PDE10A: variants seen among roughly 807,000 people sequenced by gnomAD.
PDE10A encodes the protein phosphodiesterase 10A, also known as cAMP and cAMP-inhibited cGMP 3',5'-cyclic phosphodiesterase 10A.
In PDE10A, 39 loss-of-function variants were observed where a neutral mutation model predicts 97.7. The ratio of observed to expected loss-of-function variants is 0.40; its 90% CI spans 0.31 to 0.52. The LOEUF is 0.52. Among genes scored for constraint, PDE10A ranks in the 20% least tolerant of loss-of-function variants. The pLI is 0.56. For missense variants in PDE10A, 731 were observed against 1,047.8 expected, an observed-to-expected ratio of 0.70 and a Z score of 4.17; for synonymous variants, 371 against 376.8, an observed-to-expected ratio of 0.98 and a Z score of 0.18.
chr6:165,626,152 C>T lies in PDE10A; in HGVS notation c.865+35795G>A, dbSNP rs1482579471. 3.3e-5 allele frequency among the ~76,000 whole-genome samples: 5 copies of T among 152,152 alleles called. No homozygotes were observed. The East Asian group carries it at 9.6e-4, about 29-fold the overall frequency. On this transcript the variant is annotated intron_variant, in intron 1 of 21. Transcript: ENST00000539869. ...GGAAGGAGGGTGCAGCCAGCTTCAT[C>T]ACATGCTGCCAAGAGGAAATTCTTA...
chr6:165,663,246 G>A (rs917386057), upstream of PDE10A, among the ~76,000 whole-genome samples: 4 of 150,348 alleles, frequency 2.7e-5, no homozygotes, highest in Admixed American at 2.6e-4. Context: ...CCCACTGGCG[G>A]AGCAGGCGCT....
At chr6:165,844,573 T>C (rs1462887124) in intron 1 of PDE10A, among the ~76,000 whole-genome samples, 2 of 152,238 alleles carry the variant, frequency 1.3e-5, no homozygotes, top group African/African-American at 2.4e-5. Flanking sequence ...AATTCTAGAA[T>C]GTTAAGTTCT....
intron 2 of PDE10A, among the ~76,000 whole-genome samples, chr6:165,491,393 G>T (rs1484240608): frequency 1.3e-5 from 2 of 152,072 alleles, no homozygotes; most frequent in Non-Finnish European, 2.9e-5. Flanking sequence ...ACAACAAATG[G>T]ATTTAACAGA....
Position 165,448,928 on chromosome 6 carries a change from A to G in PDE10A, c.1194T>C (p.Asn398=), listed in dbSNP as rs1343645699. The part of the protein sequence containing the change: ...FALYFLGECN[N]SLCIFTPPGI... The stretch of plus-strand genomic sequence containing the variant: ...CCAAAATCTAAATTTAGATACTTAC[A>G]TTATTGCACTCTCCAAGGAAATACA... The change falls in exon 5 of 22, where the codon AAT becomes AAC. Residue 398 remains asparagine (N), a splice_region_variant and synonymous_variant. Coordinates refer to ENST00000539869, the MANE Select transcript of PDE10A (RefSeq NM_001385079.1). 4 of 1,600,896 alleles carry G rather than the reference A, an allele frequency of 2.5e-6. No individual in the cohort carries two copies. Among genetic ancestry groups the G allele is most frequent in the Admixed American group, 3.4e-5 (2 of 59,646 alleles).
At chr6:165,532,088 C>T (rs575255039) in intron 2 of PDE10A, among the ~76,000 whole-genome samples, 1 of 152,220 alleles carries the variant, frequency 6.6e-6, no homozygotes, top group Non-Finnish European at 1.5e-5. Context: ...ATTGAACTGT[C>T]ATGCTAGCCA....
At chr6:165,871,075 A>C (rs768509084) in intron 1 of PDE10A, among the ~76,000 whole-genome samples, 1 of 152,230 alleles carries the variant, frequency 6.6e-6, no homozygotes, top group Non-Finnish European at 1.5e-5. Flanking sequence ...GTATATTTCA[A>C]ACTAGCTAGA....
intron 2 of PDE10A, among the ~76,000 whole-genome samples, chr6:165,529,374 G>T (rs942681531): frequency 9.2e-5 from 14 of 152,176 alleles, no homozygotes; most frequent in African/African-American, 3.4e-4. Flanking sequence ...AAGTCAATGA[G>T]AAACTACAAT....
chr6:165,674,245 A>T lies in PDE10A; in HGVS notation c.-614-130677T>A, dbSNP rs1790729413. Among the ~76,000 whole-genome samples, 4 of 151,522 alleles carry T rather than the reference A, an allele frequency of 2.6e-5. No homozygotes were observed. In the South Asian group the frequency reaches 6.2e-4, roughly 24 times the overall value. On this transcript the variant is annotated intron_variant, in intron 1 of 19. Transcript: ENST00000366882. ...GAAACAATAGCCGTGTCTCCCTCTTAGTGTTGCCGTGAGGATGACCAAGAT... is the reference window on the plus strand; with the variant it reads ...GAAACAATAGCCGTGTCTCCCTCTTTGTGTTGCCGTGAGGATGACCAAGAT...
chr6:165,690,638 C>T (rs1443204620), intron 1 of PDE10A, among the ~76,000 whole-genome samples: 1 of 152,184 alleles, frequency 6.6e-6, no homozygotes, highest in African/African-American at 2.4e-5. Context: ...TCCTCTCCCA[C>T]ACCTGCAGAC....
At chr6:165,934,292 G>A (rs893223360) in intron 1 of PDE10A, among the ~76,000 whole-genome samples, 17 of 151,524 alleles carry the variant, frequency 1.1e-4, no homozygotes, top group African/African-American at 3.6e-4. Context: ...GAGCCACTGC[G>A]CCCAGCCTCA....
intron 3 of PDE10A, among the ~76,000 whole-genome samples, chr6:165,456,005 T>A (rs962826807): frequency 6.6e-6 from 1 of 152,234 alleles, no homozygotes; most frequent in Non-Finnish European, 1.5e-5. Flanking sequence ...CAGCATTGTT[T>A]GAGGTCACCA....
chr6:165,735,213 T>C (rs1400458823), intron 1 of PDE10A, among the ~76,000 whole-genome samples: 3 of 151,248 alleles, frequency 2.0e-5, no homozygotes, highest in African/African-American at 7.3e-5. Context: ...GTAGTTAGGT[T>C]GGTAGATGAG....
At chr6:165,723,976 C>T (rs1021972865) in intron 1 of PDE10A, among the ~76,000 whole-genome samples, 36 of 152,032 alleles carry the variant, frequency 2.4e-4, no homozygotes, top group Admixed American at 1.1e-3. Context: ...GTTATGTAAG[C>T]GATTCCACAA....
chr6:165,396,479 A>G lies in PDE10A; in HGVS notation c.2077-20T>C. ...ATACATCTAGAAGGCAAATCCAAAAAAAAAACCCCCAAAATTAAAAGAATA... is the reference window on the plus strand; with the variant it reads ...ATACATCTAGAAGGCAAATCCAAAAGAAAAACCCCCAAAATTAAAAGAATA... On this transcript the variant is annotated intron_variant, in intron 13 of 21. Coordinates refer to ENST00000539869, the MANE Select transcript of PDE10A (RefSeq NM_001385079.1). 6.3e-7 allele frequency: 1 copy of G among 1,579,550 alleles called. No individual in the cohort carries two copies. The highest frequency in any genetic ancestry group is 8.6e-7 in the Non-Finnish European group (1 of 1,168,314).
chr6:165,790,071 C>T (rs1778606859), intron 1 of PDE10A, among the ~76,000 whole-genome samples: 1 of 152,080 alleles, frequency 6.6e-6, no homozygotes, highest in Admixed American at 6.5e-5. Flanking sequence ...TTTCCAGGGT[C>T]GCTATGTCAG....
chr6:165,967,701 T>C (rs1282856141), intron 1 of PDE10A, among the ~76,000 whole-genome samples: 1 of 152,238 alleles, frequency 6.6e-6, no homozygotes, highest in South Asian at 2.1e-4. Flanking sequence ...AATACACATC[T>C]GTCTTTTAAT....
chr6:165,674,434 C>T (rs1790737019), intron 1 of PDE10A, among the ~76,000 whole-genome samples: 1 of 152,100 alleles, frequency 6.6e-6, no homozygotes, highest in Non-Finnish European at 1.5e-5. Flanking sequence ...CTATTCTGAG[C>T]TCCCTGCTGA....
intron 1 of PDE10A, among the ~76,000 whole-genome samples, chr6:165,839,935 T>TA (rs1264511549): frequency 9.8e-5 from 3 of 30,614 alleles, no homozygotes; most frequent in Admixed American, 3.1e-4. Flanking sequence ...ATCTCCATTC[T>TA]TATCTTCATT....
chr6:165,629,966 C>T (rs1281539749), intron 1 of PDE10A, among the ~76,000 whole-genome samples: 1 of 151,898 alleles, frequency 6.6e-6, no homozygotes, highest in African/African-American at 2.4e-5. Flanking sequence ...AAATTGATAC[C>T]ATATTAAATT....
Sources: allele counts gnomAD v4.1 joint callset (sites outside exome capture counted in the v4.1 genomes callset), GRCh38; gene constraint gnomAD v4.1.1; transcripts MANE v1.5; gene names NCBI Gene and HGNC (gene_info 2026-07-23, HGNC 2026-07-21).